The following PJA2 variants were observed in gnomAD, a reference collection of about 807,000 sequenced individuals.
PJA2 encodes the protein E3 ubiquitin-protein ligase Praja-2.
Under a neutral mutation model 69.3 loss-of-function variants are expected in PJA2, and 25 were observed. That is an observed-to-expected ratio of 0.36 (90% confidence interval 0.26 to 0.50). PJA2 has a LOEUF of 0.50. Among genes scored for constraint, PJA2 ranks in the 20% least tolerant of loss-of-function variants. The probability of loss-of-function intolerance (pLI) is 0.96; values close to 1 mark genes in which losing one functional copy is unlikely to be tolerated. For missense variants in PJA2, 809 were observed against 830.2 expected, an observed-to-expected ratio of 0.97 and a Z score of 0.31; for synonymous variants, 308 against 277.8, an observed-to-expected ratio of 1.11 and a Z score of -1.08.
At chr5:109,359,071 C>G (rs556733593) in intron 6 of PJA2, among the ~76,000 whole-genome samples, 5 of 152,274 alleles carry the variant, frequency 3.3e-5, no homozygotes, top group African/African-American at 1.2e-4. Context: ...CCAATCCCTC[C>G]TCTTCCTCCT....
intron 1 of PJA2, among the ~76,000 whole-genome samples, chr5:109,391,809 C>G (rs1246911316): frequency 6.6e-6 from 1 of 152,022 alleles, no homozygotes; most frequent in African/African-American, 2.4e-5. Context: ...TTATCACATT[C>G]CAACACATAG....
intron 1 of PJA2, among the ~76,000 whole-genome samples, chr5:109,390,247 G>C (rs888590070): frequency 4.0e-5 from 6 of 151,802 alleles, no homozygotes; most frequent in African/African-American, 1.2e-4. Flanking sequence ...TTTAGCTTCT[G>C]TCTTACATAT....
intron 5 of PJA2, among the ~76,000 whole-genome samples, chr5:109,367,978 C>T (rs1762613240): frequency 6.6e-6 from 1 of 152,190 alleles, no homozygotes; most frequent in Non-Finnish European, 1.5e-5. Flanking sequence ...TACTTTTATA[C>T]TGCAACAGTA....
intron 1 of PJA2, among the ~76,000 whole-genome samples, chr5:109,403,271 C>G (rs375413008): frequency 1.3e-5 from 2 of 152,048 alleles, no homozygotes. Flanking sequence ...AAACTACTAA[C>G]GCTCACTTAG....
Position 109,354,560 on chromosome 5 carries a change from G to C in PJA2, c.1764+1355C>G, listed in dbSNP as rs201922804. 2.3e-3 allele frequency among the ~76,000 whole-genome samples: 80 copies of C among 35,492 alleles called. 2 individuals are homozygous for C. Among genetic ancestry groups the C allele is most frequent in the Non-Finnish European group, 2.1e-3 (39 of 18,970 alleles). The allele number at this position is 35,492 out of a possible 152,430, so 23.3% of individuals were successfully genotyped here. On this transcript the variant is annotated intron_variant, in intron 7 of 9. Transcript: ENST00000361189. ...TCTATAGATATCTATATCGATATTA[G>C]ATATCTATAATATCTATAGATATCT...
At chr5:109,391,376 T>G (rs573720503) in intron 1 of PJA2, among the ~76,000 whole-genome samples, 2 of 152,204 alleles carry the variant, frequency 1.3e-5, no homozygotes, top group African/African-American at 2.4e-5. Flanking sequence ...CATATTTTAA[T>G]GTTTGTTATG....
At chr5:109,363,885 C>T (rs1762537728) in intron 5 of PJA2, among the ~76,000 whole-genome samples, 1 of 152,172 alleles carries the variant, frequency 6.6e-6, no homozygotes, top group African/African-American at 2.4e-5. Context: ...GGTGCAGTGG[C>T]TCACCCCTAT....
chr5:109,350,104 T>G (rs1400943529), intron 7 of PJA2, among the ~76,000 whole-genome samples: 1 of 152,178 alleles, frequency 6.6e-6, no homozygotes, highest in Non-Finnish European at 1.5e-5. Flanking sequence ...TCTCAATGGG[T>G]TCATTATCTC....
At position 109,398,795 on chromosome 5, in the gene PJA2, G is replaced by C. The variant is rs537686876; in HGVS notation, c.-88+11047C>G. Among the ~76,000 whole-genome samples, 24 of 151,886 alleles carry C rather than the reference G, an allele frequency of 1.6e-4. 1 individual carries two copies. In the South Asian group the frequency reaches 2.7e-3, roughly 17 times the overall value. ...GTATAATTTAAAAAAAAAAGAAAAA[G>C]AAAAAGACCTTTACTCCTAGAGCAG... On this transcript the variant is annotated intron_variant, in intron 1 of 9. Transcript: ENST00000361189.
At chr5:109,349,405 C>T (rs1379314095) in intron 7 of PJA2, among the ~76,000 whole-genome samples, 1 of 152,176 alleles carries the variant, frequency 6.6e-6, no homozygotes, top group Non-Finnish European at 1.5e-5. Context: ...ACAGAGCACA[C>T]TGGGACTAGA....
intron 1 of PJA2, among the ~76,000 whole-genome samples, chr5:109,398,897 A>G (rs1441842776): frequency 5.9e-5 from 9 of 152,138 alleles, no homozygotes; most frequent in Admixed American, 5.9e-4. Flanking sequence ...AGGAGCAGAA[A>G]ATCTCTCCTG....
At chr5:109,354,929 A>G (rs1472860685) in intron 7 of PJA2, among the ~76,000 whole-genome samples, 1 of 151,792 alleles carries the variant, frequency 6.6e-6, no homozygotes, top group Non-Finnish European at 1.5e-5. Context: ...AGCCTGGGTA[A>G]CATAATTGGA....
intron 7 of PJA2, among the ~76,000 whole-genome samples, chr5:109,348,118 G>A (rs1179820949): frequency 6.6e-6 from 1 of 152,184 alleles, no homozygotes; most frequent in East Asian, 1.9e-4. Flanking sequence ...GGTTGACAGT[G>A]ATGAAGATCC....
intron 1 of PJA2, among the ~76,000 whole-genome samples, chr5:109,394,039 CTTTTTTT>C (rs75679188): frequency 0.22 from 17,864 of 82,300 alleles, 2,199 homozygotes; most frequent in African/African-American, 0.42. Flanking sequence ...TTCTAATTCT[CTTTTTTT>C]TTTTTTTTTT....
intron 1 of PJA2, among the ~76,000 whole-genome samples, chr5:109,403,464 T>C (rs772965924): frequency 4.6e-5 from 7 of 151,454 alleles, no homozygotes; most frequent in Non-Finnish European, 8.8e-5. Context: ...ATAATACTAA[T>C]CCTAATAAAT....
intron 6 of PJA2, among the ~76,000 whole-genome samples, chr5:109,358,063 A>C (rs1561348132): frequency 6.6e-6 from 1 of 152,210 alleles, no homozygotes; most frequent in Non-Finnish European, 1.5e-5. Flanking sequence ...GGCCCTCCCA[A>C]AATCTGGCCA....
intron 1 of PJA2, among the ~76,000 whole-genome samples, chr5:109,397,064 T>C (rs1747431957): frequency 6.6e-6 from 1 of 152,164 alleles, no homozygotes; most frequent in Admixed American, 6.5e-5. Context: ...GACTAGTACC[T>C]TATAAAAGGC....
At chr5:109,398,936 G>A (rs1747478191) in intron 1 of PJA2, among the ~76,000 whole-genome samples, 2 of 152,072 alleles carry the variant, frequency 1.3e-5, no homozygotes, top group African/African-American at 4.8e-5. Context: ...AATGGGGCCG[G>A]GTGCAGGGCT....
At chr5:109,388,164 G>C (rs2127011256) in intron 1 of PJA2, among the ~76,000 whole-genome samples, 1 of 152,240 alleles carries the variant, frequency 6.6e-6, no homozygotes. Flanking sequence ...CACTCTTTCT[G>C]GAAGAAACCA....
Sources: gnomAD v4.1 joint callset for allele counts (sites outside exome capture counted in the v4.1 genomes callset) on GRCh38, gnomAD v4.1.1 for gene constraint, MANE v1.5 for transcripts, NCBI Gene and HGNC (gene_info 2026-07-23, HGNC 2026-07-21) for gene names.